SNTG1: variants seen among roughly 807,000 people sequenced by gnomAD.
The protein encoded by SNTG1 is syntrophin gamma 1.
A neutral mutation model predicts 74.7 loss-of-function variants in SNTG1; 39 were observed. The observed-to-expected ratio is 0.52, with a 90% CI of 0.40 to 0.68. The LOEUF (loss-of-function observed/expected upper bound fraction) is 0.68. Ranked by LOEUF, SNTG1 falls within the 30% of genes least tolerant of loss-of-function variation. SNTG1 has a pLI of 0.00. For synonymous variants in SNTG1, 254 were observed against 217.1 expected, an observed-to-expected ratio of 1.17 and a Z score of -1.49; for missense variants, 685 against 609.5, an observed-to-expected ratio of 1.12 and a Z score of -1.30.
chr8:49,952,213 C>T (rs918794190), intron 1 of SNTG1, among the ~76,000 whole-genome samples: 1 of 152,012 alleles, frequency 6.6e-6, no homozygotes, highest in African/African-American at 2.4e-5. Context: ...AAAAATAAAA[C>T]AATAAAGCAA....
In SNTG1 at chr8:50,280,985, C is replaced by CA. The variant is rs35973666; in HGVS notation, c.-28+108371dup. Among the ~76,000 whole-genome samples the CA allele has an allele frequency of 8.0e-3, 604 of 75,184 alleles. 2 individuals carry two copies. Among genetic ancestry groups the CA allele is most frequent in the African/African-American group, 0.012 (234 of 19,906 alleles). 49.3% of individuals were successfully genotyped at this position (75,184 alleles called of 152,430 possible). ...TGGCTAACATGGTGAAACCCAGTCTCAAAAAAAAAAAAAAAAAAAAAGAAA... is the reference window on the plus strand; with the variant it reads ...TGGCTAACATGGTGAAACCCAGTCTCAAAAAAAAAAAAAAAAAAAAAAGAAA... On this transcript the variant is annotated intron_variant, in intron 2 of 18. Transcript: ENST00000642720.
At chr8:50,332,331 G>A (rs2090996252) in intron 2 of SNTG1, among the ~76,000 whole-genome samples, 1 of 151,926 alleles carries the variant, frequency 6.6e-6, no homozygotes, top group Non-Finnish European at 1.5e-5. Flanking sequence ...AACTTATTGG[G>A]TCCTCATTTC....
At chr8:50,419,152 C>T (rs2093050328) in intron 4 of SNTG1, among the ~76,000 whole-genome samples, 1 of 151,992 alleles carries the variant, frequency 6.6e-6, no homozygotes, top group South Asian at 2.1e-4. Context: ...ACAGGAGAAG[C>T]CAGTAACCTG....
chr8:50,136,019 C>T (rs2081463533), intron 1 of SNTG1, among the ~76,000 whole-genome samples: 1 of 152,108 alleles, frequency 6.6e-6, no homozygotes, highest in African/African-American at 2.4e-5. Context: ...TTTCCTGCCC[C>T]TGTGTTAGTT....
At chr8:50,274,617 C>T (rs931760176) in intron 2 of SNTG1, among the ~76,000 whole-genome samples, 6 of 152,244 alleles carry the variant, frequency 3.9e-5, no homozygotes, top group African/African-American at 1.2e-4. Context: ...GGACATTCTT[C>T]CCTTCTTCCC....
chr8:50,172,262 A>G (rs940956939), intron 1 of SNTG1, among the ~76,000 whole-genome samples: 2 of 152,214 alleles, frequency 1.3e-5, no homozygotes, highest in African/African-American at 4.8e-5. Flanking sequence ...CTACTGGCAA[A>G]TGAAATATCC....
chr8:50,534,709 G>A (rs2094295128), intron 10 of SNTG1, among the ~76,000 whole-genome samples: 1 of 151,962 alleles, frequency 6.6e-6, no homozygotes, highest in South Asian at 2.1e-4. Flanking sequence ...TGACCCCAGG[G>A]GCGGAGGTTT....
intron 2 of SNTG1, among the ~76,000 whole-genome samples, chr8:50,334,339 G>A (rs956019625): frequency 3.3e-5 from 5 of 152,146 alleles, no homozygotes; most frequent in Admixed American, 1.3e-4. Flanking sequence ...ATAAAGCAAA[G>A]TTGTTTTAAG....
rs2094437910 is a variant in SNTG1, at chr8:50,553,297, A to G, written c.810+118A>G. The G allele has an allele frequency of 2.3e-6, 3 of 1,317,066 alleles. No homozygotes were observed. The African/African-American group carries it at 4.4e-5, about 19-fold the overall frequency. The allele number at this position is 1,317,066 out of a possible 1,614,324, so 81.6% of individuals were successfully genotyped here. A position where few individuals can be genotyped will look rare whatever the true frequency, so the allele number is the denominator to read the frequency against. On this transcript the variant is annotated intron_variant, in intron 12 of 18. Transcript: ENST00000642720. ...TTCTTCTCAGAATGAGACATTCATG[A>G]AAGCTATTCTGGAATACTTATTGTA...
intron 15 of SNTG1, among the ~76,000 whole-genome samples, chr8:50,703,532 T>C (rs1341158988): frequency 6.6e-6 from 1 of 152,094 alleles, no homozygotes; most frequent in Non-Finnish European, 1.5e-5. Context: ...TAGTTAACTA[T>C]ATTTTTAATA....
At chr8:49,987,139 A>C (rs1002812443) in intron 1 of SNTG1, among the ~76,000 whole-genome samples, 6 of 152,206 alleles carry the variant, frequency 3.9e-5, no homozygotes, top group Admixed American at 2.6e-4. Context: ...AATTAAGTTG[A>C]AGTGTCATAC....
chr8:50,476,500 T>G (rs555602168), intron 8 of SNTG1, among the ~76,000 whole-genome samples: 4 of 152,278 alleles, frequency 2.6e-5, no homozygotes, highest in Admixed American at 2.6e-4. Context: ...AGAGCTAAGT[T>G]TCTCACTGTT....
At chr8:50,252,201 A>T (rs1054991917) in intron 2 of SNTG1, among the ~76,000 whole-genome samples, 1 of 152,120 alleles carries the variant, frequency 6.6e-6, no homozygotes, top group Admixed American at 6.5e-5. Context: ...TATAGAAAAT[A>T]ACAAAAGCAG....
At chr8:49,927,323 A>G (rs531993985) in intron 1 of SNTG1, among the ~76,000 whole-genome samples, 21 of 152,326 alleles carry the variant, frequency 1.4e-4, no homozygotes, top group Admixed American at 1.2e-3. Context: ...AACTTTATTC[A>G]TAATACCAAG....
chr8:50,353,765 C>G (rs1040272206), intron 2 of SNTG1, among the ~76,000 whole-genome samples: 2 of 152,188 alleles, frequency 1.3e-5, no homozygotes, highest in Non-Finnish European at 2.9e-5. Context: ...AAAACCCACA[C>G]TCATTATGGT....
intron 1 of SNTG1, among the ~76,000 whole-genome samples, chr8:50,050,858 T>C (rs1441165970): frequency 1.3e-5 from 2 of 152,060 alleles, no homozygotes; most frequent in Non-Finnish European, 2.9e-5. Context: ...GAGTGTAATA[T>C]TGGAAAATAA....
At chr8:50,410,694 C>A (rs1028143184) in intron 4 of SNTG1, among the ~76,000 whole-genome samples, 6 of 152,130 alleles carry the variant, frequency 3.9e-5, no homozygotes, top group African/African-American at 1.4e-4. Flanking sequence ...CCCTGGAAGC[C>A]ACCATTCTAC....
chr8:50,118,103 A>G (rs903382655), intron 1 of SNTG1, among the ~76,000 whole-genome samples: 3 of 152,170 alleles, frequency 2.0e-5, no homozygotes, highest in Non-Finnish European at 4.4e-5. Context: ...TTTGATAATA[A>G]AAAATAAGGC....
intron 1 of SNTG1, among the ~76,000 whole-genome samples, chr8:50,021,501 G>A (rs1816808855): frequency 6.6e-6 from 1 of 152,088 alleles, no homozygotes; most frequent in Non-Finnish European, 1.5e-5. Context: ...AGTTAATTAA[G>A]CTAATGAAAT....
Sources: allele counts gnomAD v4.1 joint callset (sites outside exome capture counted in the v4.1 genomes callset), GRCh38; gene constraint gnomAD v4.1.1; transcripts MANE v1.5; gene names NCBI Gene and HGNC (gene_info 2026-07-23, HGNC 2026-07-21).